The following MYLK4 variants were observed in gnomAD, a reference collection of about 807,000 sequenced individuals.
The protein encoded by MYLK4 is caMLCK like.
In MYLK4, 46 loss-of-function variants were observed where a neutral mutation model predicts 48.1. The observed-to-expected ratio is 0.96, with a 90% CI of 0.75 to 1.22. The LOEUF (loss-of-function observed/expected upper bound fraction) is 1.22, where lower values mean the gene tolerates loss of function less well. Ranked by LOEUF, MYLK4 falls within the 50% of genes most tolerant of loss-of-function variation. MYLK4 has a pLI of 0.00. For synonymous variants in MYLK4, 170 were observed against 180.8 expected, an observed-to-expected ratio of 0.94 and a Z score of 0.48; for missense variants, 451 against 486.1, an observed-to-expected ratio of 0.93 and a Z score of 0.68.
At chr6:2,705,625 G>A (rs1480804176) in intron 2 of MYLK4, among the ~76,000 whole-genome samples, 1 of 152,128 alleles carries the variant, frequency 6.6e-6, no homozygotes, top group African/African-American at 2.4e-5. Flanking sequence ...AATCCAAAAA[G>A]CAGCACTTTT....
chr6:2,687,376 C>G (rs746453542), intron 4 of MYLK4, among the ~76,000 whole-genome samples: 3 of 152,172 alleles, frequency 2.0e-5, no homozygotes, highest in Admixed American at 1.3e-4. Context: ...CGAGAGCTGA[C>G]GGGCAGCTGG....
intron 4 of MYLK4, among the ~76,000 whole-genome samples, chr6:2,686,067 CA>C (rs35091208): frequency 0.55 from 65,601 of 118,928 alleles, 16,706 homozygotes; most frequent in East Asian, 0.74. Flanking sequence ...GAATCCATCT[CA>C]AAAAAAAAAA....
chr6:2,671,711 C>G (rs1760903931), intron 11 of MYLK4, among the ~76,000 whole-genome samples: 1 of 152,214 alleles, frequency 6.6e-6, no homozygotes, highest in Non-Finnish European at 1.5e-5. Flanking sequence ...AAAGATGAGT[C>G]AGACACAGAA....
intron 2 of MYLK4, 41 bp downstream of exon 2, chr6:2,749,095 G>A (rs374112753): frequency 1.3e-6 from 2 of 1,574,414 alleles, no homozygotes; most frequent in Non-Finnish European, 1.7e-6. Flanking sequence ...AGATAAGATA[G>A]AATGAATACT....
chr6:2,739,771 T>C (rs1763824507), intron 2 of MYLK4, among the ~76,000 whole-genome samples: 2 of 152,242 alleles, frequency 1.3e-5, no homozygotes, highest in African/African-American at 4.8e-5. Flanking sequence ...GGCCTAAATA[T>C]ACTTAAGCAC....
chr6:2,679,492 A>G (rs1453471869), intron 8 of MYLK4, 84 bp from the exon 9 acceptor site: 5 of 1,527,466 alleles, frequency 3.3e-6, no homozygotes, highest in Non-Finnish European at 4.5e-6. Context: ...ATGAGACAAA[A>G]TGACTTCAGC....
chr6:2,694,649 CATGGTGATG>C (rs1174805366), intron 2 of MYLK4, among the ~76,000 whole-genome samples: 1 of 61,814 alleles, frequency 1.6e-5, no homozygotes, highest in Non-Finnish European at 3.3e-5. Flanking sequence ...TGGTGACGGT[CATGGTGATG>C]ATGGTGGTAG....
the MYLK4 span, among the ~76,000 whole-genome samples, chr6:2,766,811 T>G: frequency 6.6e-6 from 1 of 152,090 alleles, no homozygotes; most frequent in East Asian, 1.9e-4. Context: ...ATCAGCATGT[T>G]TAAATTGTAA....
intron 2 of MYLK4, among the ~76,000 whole-genome samples, chr6:2,713,751 G>A (rs1040151633): frequency 2.0e-5 from 3 of 152,216 alleles, no homozygotes; most frequent in African/African-American, 7.2e-5. Flanking sequence ...GGTACAGCCA[G>A]TACCTTTTAA....
At chr6:2,765,182 ACCCC>A in the MYLK4 span, among the ~76,000 whole-genome samples, 3 of 72,924 alleles carry the variant, frequency 4.1e-5, no homozygotes, top group Non-Finnish European at 5.5e-5. Flanking sequence ...TCGCCTCGCA[ACCCC>A]CCCCCCCGCC....
intron 3 of MYLK4, among the ~76,000 whole-genome samples, chr6:2,691,022 G>C (rs1761774327): frequency 6.6e-6 from 1 of 151,890 alleles, no homozygotes; most frequent in South Asian, 2.1e-4. Flanking sequence ...AATAGAGACG[G>C]GGTTTCACCG....
chr6:2,745,662 T>A (rs1200788776), intron 2 of MYLK4, among the ~76,000 whole-genome samples: 3 of 152,170 alleles, frequency 2.0e-5, no homozygotes, highest in Non-Finnish European at 2.9e-5. Context: ...CAGCAGCTCA[T>A]GCCTGTAATT....
chr6:2,768,549 G>T, the MYLK4 span: 20 of 523,544 alleles, frequency 3.8e-5, no homozygotes, highest in African/African-American at 1.6e-4. Flanking sequence ...TGGTATTTTT[G>T]ATTGTTTCTG....
chr6:2,695,113 C>T (rs1762013231), intron 2 of MYLK4, among the ~76,000 whole-genome samples: 1 of 152,114 alleles, frequency 6.6e-6, no homozygotes, highest in African/African-American at 2.4e-5. Flanking sequence ...GAATTTAAGT[C>T]CAATTTTGAA....
At chr6:2,765,461 G>C in the MYLK4 span, 4 of 863,156 alleles carry the variant, frequency 4.6e-6, no homozygotes, top group Non-Finnish European at 6.1e-6. Flanking sequence ...CGGGAGCTGC[G>C]GACGTGAGGC....
At position 2,730,625 on chromosome 6, in the gene MYLK4, C is replaced by T. The variant is rs1287656750; in HGVS notation, c.159+18511G>A. On this transcript the variant is annotated intron_variant, in intron 2 of 12. Transcript: ENST00000274643. ...GTTGCTAATGAAACATTTAAAAATC[C>T]AGGACAGTAATGGCCTGTGCTATTT... Among the ~76,000 whole-genome samples, 3 of 152,006 alleles carry T rather than the reference C, an allele frequency of 2.0e-5. No homozygotes were observed. The East Asian group carries it at 5.8e-4, about 29-fold the overall frequency.
At chr6:2,769,848 G>A in the MYLK4 span, among the ~76,000 whole-genome samples, 1 of 152,174 alleles carries the variant, frequency 6.6e-6, no homozygotes, top group African/African-American at 2.4e-5. Context: ...CATTTATGTT[G>A]AAACTAAGCT....
At chr6:2,749,012 A>C (rs1430647102) in intron 2 of MYLK4, 124 bp downstream of exon 2, 2 of 859,176 alleles carry the variant, frequency 2.3e-6, no homozygotes, top group Non-Finnish European at 1.8e-6. Context: ...ATTCTCACTG[A>C]AGCAAAGTGG....
chr6:2,682,691 C>T (rs1761357730), intron 7 of MYLK4, among the ~76,000 whole-genome samples: 1 of 152,162 alleles, frequency 6.6e-6, no homozygotes, highest in African/African-American at 2.4e-5. Flanking sequence ...ATCCTCTCAC[C>T]TACTTGTCCT....
Sources: gnomAD v4.1 joint callset for allele counts (sites outside exome capture counted in the v4.1 genomes callset) on GRCh38, gnomAD v4.1.1 for gene constraint, MANE v1.5 for transcripts, NCBI Gene and HGNC (gene_info 2026-07-23, HGNC 2026-07-21) for gene names.